CHID1: variants seen among roughly 807,000 people sequenced by gnomAD.
CHID1 encodes chitinase domain-containing protein 1.
Under a neutral mutation model 55.4 loss-of-function variants are expected in CHID1, and 44 were observed. The observed-to-expected ratio is 0.79, with a 90% CI of 0.62 to 1.02. CHID1 has a LOEUF of 1.02. Among genes scored for constraint, CHID1 ranks in the 50% least tolerant of loss-of-function variants. The probability of loss-of-function intolerance (pLI) is 0.00; values close to 1 mark genes in which losing one functional copy is unlikely to be tolerated. For missense variants in CHID1, 491 were observed against 515.3 expected (o/e 0.95, Z 0.46); for synonymous variants, 216 against 212.9 (o/e 1.01, Z -0.13).
At chr11:892,072 ACC>A (rs979970339) in intron 8 of CHID1, among the ~76,000 whole-genome samples, 7 of 151,940 alleles carry the variant, frequency 4.6e-5, no homozygotes, top group African/African-American at 2.4e-5. Flanking sequence ...ATAAGATTGC[ACC>A]ACTGCACTCC....
intron 5 of CHID1, 100 bp from the exon 6 acceptor site, chr11:900,210 G>A: frequency 3.4e-6 from 3 of 892,650 alleles, no homozygotes; most frequent in East Asian, 2.6e-5. Context: ...GCCTCCAGAG[G>A]GAAGTGAGAC....
At chr11:872,160 G>T (rs959040339) in intron 10 of CHID1, among the ~76,000 whole-genome samples, 1 of 152,132 alleles carries the variant, frequency 6.6e-6, no homozygotes, top group East Asian at 1.9e-4. Flanking sequence ...TCCCTTAGAC[G>T]CCTGTTTCTG....
Position 870,301 on chromosome 11 carries a change from G to A in CHID1, c.1040+118C>T, listed in dbSNP as rs907610506. On this transcript the variant is annotated intron_variant, in intron 11 of 12. Transcript: ENST00000323578. Reference sequence around the variant, plus strand: ...GTCCAGCTGTGCTCCAGGGCCGGGAGCAGCAAGTGAGCTCGTGACCCTGAG... The same window carrying A: ...GTCCAGCTGTGCTCCAGGGCCGGGAACAGCAAGTGAGCTCGTGACCCTGAG... 8 of 1,367,210 alleles carry A rather than the reference G, an allele frequency of 5.9e-6. No individual in the cohort carries two copies. In the Admixed American group the frequency reaches 7.3e-5, roughly 12 times the overall value. The allele number at this position is 1,367,210 out of a possible 1,614,324, so 84.7% of individuals were successfully genotyped here. A position where few individuals can be genotyped will look rare whatever the true frequency, so the allele number is the denominator to read the frequency against.
At chr11:883,394 C>A in intron 9 of CHID1, 91 bp from the exon 10 acceptor site, 1 of 1,325,320 alleles carries the variant, frequency 7.5e-7, no homozygotes, top group Non-Finnish European at 1.0e-6. Flanking sequence ...GTGCATCCTC[C>A]CCATGCTGCG....
Position 900,994 on chromosome 11 carries a change from AG to A in CHID1, c.395-15del, listed in dbSNP as rs1475624945. 2 of 1,595,364 alleles carry A rather than the reference AG, an allele frequency of 1.3e-6. No homozygotes were observed. Among genetic ancestry groups the A allele is most frequent in the Non-Finnish European group, 1.7e-6 (2 of 1,171,976 alleles). On this transcript the variant is annotated splice_polypyrimidine_tract_variant and intron_variant, in intron 4 of 12. Coordinates refer to ENST00000323578, the MANE Select transcript of CHID1 (RefSeq NM_023947.4). ...CTCGCATCCACCCTGTGGGACATGG[AG>A]GGGACAGTCAACACAGGCACGTGCG...
intron 10 of CHID1, among the ~76,000 whole-genome samples, chr11:871,794 G>C (rs1849191848): frequency 6.7e-6 from 1 of 150,354 alleles, no homozygotes. Flanking sequence ...GGACAGTGCA[G>C]GGTTTATCCA....
chr11:882,988 G>A (rs1850104413), intron 10 of CHID1, 160 bp downstream of exon 10: 1 of 748,742 alleles, frequency 1.3e-6, no homozygotes, highest in Non-Finnish European at 2.2e-6. Flanking sequence ...GGTGGGGTGG[G>A]CACCAAGCAG....
upstream of CHID1, among the ~76,000 whole-genome samples, chr11:911,765 T>C (rs1852706986): frequency 6.6e-6 from 1 of 152,168 alleles, no homozygotes; most frequent in Non-Finnish European, 1.5e-5. Flanking sequence ...GCGAGGCACG[T>C]CCCCCACCAG....
Position 869,802 on chromosome 11 carries a change from C to A in CHID1, c.*56G>T. On this transcript the variant is annotated 3_prime_UTR_variant, in exon 13 of 13. Coordinates refer to ENST00000323578, the MANE Select transcript of CHID1 (RefSeq NM_023947.4). Reference sequence around the variant, plus strand: ...TGGAGGCCTGTATTTCACACCTGCTCACTCACTCCATGGCTTAGAAAAGAA... The same window carrying A: ...TGGAGGCCTGTATTTCACACCTGCTAACTCACTCCATGGCTTAGAAAAGAA... 6.8e-7 allele frequency: 1 copy of A among 1,481,196 alleles called. No homozygotes were observed. Among genetic ancestry groups the A allele is most frequent in the African/African-American group, 1.4e-5 (1 of 72,462 alleles). 91.8% of individuals were successfully genotyped at this position (1,481,196 alleles called of 1,614,324 possible). A position where few individuals can be genotyped will look rare whatever the true frequency, so the allele number is the denominator to read the frequency against.
chr11:883,181 G>A lies in CHID1; in HGVS notation c.926C>T (p.Ser309Phe), dbSNP rs878890981. 1 of 1,613,700 alleles carries A rather than the reference G, an allele frequency of 6.2e-7. No individual in the cohort carries two copies. Among genetic ancestry groups the A allele is most frequent in the South Asian group, 1.1e-5 (1 of 91,080 alleles). ...LNFYGMDYAT[S>F]KDAREPVVGA... ...GACAACAGGCTCACGGGCATCCTTGGAGGTCGCGTAGTCCATACCATAGAA... is the reference window on the plus strand; with the variant it reads ...GACAACAGGCTCACGGGCATCCTTGAAGGTCGCGTAGTCCATACCATAGAA... Residue 309 changes from serine to phenylalanine, a missense_variant, in exon 10 of 13, where the codon TCC (serine) becomes TTC (phenylalanine). Physicochemically the swap from Ser to Phe is radical, Grantham distance 155. Transcript: ENST00000323578.
intron 1 of CHID1, among the ~76,000 whole-genome samples, chr11:907,066 G>T (rs886870759): frequency 6.6e-6 from 1 of 152,090 alleles, no homozygotes; most frequent in Non-Finnish European, 1.5e-5. Flanking sequence ...AAATGAGCAG[G>T]CTATCTGGAA....
Position 884,048 on chromosome 11 carries a change from C to A in CHID1, c.803+20G>T. 6.3e-7 allele frequency: 1 copy of A among 1,590,876 alleles called. No individual in the cohort carries two copies. Among genetic ancestry groups the A allele is most frequent in the South Asian group, 1.1e-5 (1 of 90,584 alleles). On this transcript the variant is annotated intron_variant, in intron 9 of 12. Transcript: ENST00000323578. ...CTGTGGAGTTTGCTGTGCCCAGGAG[C>A]CCCCCAAGCCCACACTCACTGATGC... is the stretch of plus-strand genomic sequence containing the variant.
intron 9 of CHID1, among the ~76,000 whole-genome samples, chr11:883,828 C>T (rs1383490255): frequency 6.6e-6 from 1 of 152,242 alleles, no homozygotes; most frequent in African/African-American, 2.4e-5. Context: ...TATGCCTGTA[C>T]CTCTGGCCGT....
At chr11:903,151 T>C in intron 2 of CHID1, 40 bp from the exon 3 acceptor site, 3 of 1,596,152 alleles carry the variant, frequency 1.9e-6, no homozygotes, top group Non-Finnish European at 2.5e-6. Flanking sequence ...CAGTCATCTG[T>C]CCACAGTGTA....
At chr11:885,212 G>A (rs765067050) in intron 8 of CHID1, among the ~76,000 whole-genome samples, 36 of 152,156 alleles carry the variant, frequency 2.4e-4, no homozygotes, top group Admixed American at 5.2e-4. Flanking sequence ...TCTGGACCAC[G>A]CCAAGGGCCT....
intron 10 of CHID1, among the ~76,000 whole-genome samples, chr11:872,686 C>G (rs1286914831): frequency 1.3e-5 from 2 of 152,256 alleles, no homozygotes; most frequent in African/African-American, 4.8e-5. Context: ...TTATCCTTAA[C>G]TGAAACACCA....
At chr11:895,671 C>T (rs1379578900) in intron 7 of CHID1, among the ~76,000 whole-genome samples, 1 of 152,160 alleles carries the variant, frequency 6.6e-6, no homozygotes, top group African/African-American at 2.4e-5. Flanking sequence ...GGAAAAGCTG[C>T]CCCTGAGCCT....
At chr11:885,087 C>T (rs770194051) in intron 8 of CHID1, among the ~76,000 whole-genome samples, 6 of 152,214 alleles carry the variant, frequency 3.9e-5, no homozygotes, top group Non-Finnish European at 7.3e-5. Flanking sequence ...ATGGGGGACG[C>T]GGCCGGAGGA....
In CHID1 at chr11:883,247, G is replaced by A. The variant is rs757197761; in HGVS notation, c.860C>T (p.Pro287Leu). 22 of 1,613,982 alleles carry A rather than the reference G, an allele frequency of 1.4e-5. No homozygotes were observed. The highest frequency in any genetic ancestry group is 1.2e-4 in the African/African-American group (9 of 74,918). The part of the protein sequence containing the change: ...WVRACVQVLD[P>L]KSKWRSKILL... ...GATTTTGCTTCGCCACTTGGACTTC[G>A]GGTCCAGGACCTGGACGCAGGCTCG... Residue 287 changes from proline to leucine, a missense_variant, in exon 10 of 13, where the codon CCG becomes CTG. By Grantham distance (98) the Pro-to-Leu change is moderately conservative. Coordinates refer to ENST00000323578, the MANE Select transcript of CHID1 (RefSeq NM_023947.4).
Sources: allele counts gnomAD v4.1 joint callset (sites outside exome capture counted in the v4.1 genomes callset), GRCh38; gene constraint gnomAD v4.1.1; transcripts MANE v1.5; gene names NCBI Gene and HGNC (gene_info 2026-07-23, HGNC 2026-07-21).